ABCA1: variants seen among roughly 807,000 people sequenced by gnomAD.
ABCA1 encodes the protein ATP binding cassette subfamily A member 1, also known as phospholipid-transporting ATPase ABCA1.
A neutral mutation model predicts 262.5 loss-of-function variants in ABCA1; 133 were observed. That is an observed-to-expected ratio of 0.51 (90% CI 0.44 to 0.59). ABCA1 has a LOEUF of 0.59. Among genes scored for constraint, ABCA1 ranks in the 20% least tolerant of loss-of-function variants. ABCA1 has a pLI of 0.00. For synonymous variants in ABCA1, 1,022 were observed against 1,043.5 expected (o/e 0.98, Z 0.40); for missense variants, 2,452 against 2,777.5 (o/e 0.88, Z 2.63).
intron 5 of ABCA1, among the ~76,000 whole-genome samples, chr9:104,875,351 C>CAAA (rs749025515): frequency 4.7e-5 from 3 of 63,956 alleles, no homozygotes; most frequent in Non-Finnish European, 6.2e-5. Context: ...GACTCCATCT[C>CAAA]AAAAAAAAAA....
At chr9:104,902,694 T>C (rs1172478210) in intron 2 of ABCA1, among the ~76,000 whole-genome samples, 1 of 152,202 alleles carries the variant, frequency 6.6e-6, no homozygotes, top group East Asian at 1.9e-4. Context: ...TTTGACACTT[T>C]TGTTCTTTTA....
At chr9:104,884,234 C>T (rs758998912) in intron 4 of ABCA1, among the ~76,000 whole-genome samples, 193 bp downstream of exon 4, 18 of 152,180 alleles carry the variant, frequency 1.2e-4, no homozygotes, top group African/African-American at 3.9e-4. Context: ...GATAAATACT[C>T]GAGGTGATGG....
chr9:104,872,353 T>G (rs1837693928), intron 5 of ABCA1, among the ~76,000 whole-genome samples: 1 of 152,198 alleles, frequency 6.6e-6, no homozygotes, highest in South Asian at 2.1e-4. Flanking sequence ...TTAAAAATGC[T>G]TCATCGTGAT....
At position 104,855,238 on chromosome 9, in the gene ABCA1, G is replaced by A. The variant is rs144501024; in HGVS notation, c.720+3284C>T. 2.0e-3 allele frequency: 1,654 copies of A among 831,832 alleles called. 24 individuals are homozygous for A. In the African/African-American group the frequency reaches 0.027, roughly 14 times the overall value. 51.5% of individuals were successfully genotyped at this position (831,832 alleles called of 1,614,324 possible). A position where few individuals can be genotyped will look rare whatever the true frequency, so the allele number is the denominator to read the frequency against. ...CTGAGACAGAGTCTCACTCTGTCAC[G>A]CTGGCTGGAATGCAGTGGAGTGATC... On this transcript the variant is annotated intron_variant, in intron 7 of 49. Coordinates refer to ENST00000374736, the MANE Select transcript of ABCA1 (RefSeq NM_005502.4).
intron 40 of ABCA1, among the ~76,000 whole-genome samples, chr9:104,794,090 C>T (rs1198771422): frequency 1.3e-5 from 2 of 152,204 alleles, no homozygotes; most frequent in African/African-American, 4.8e-5. Flanking sequence ...TCCAGTGCTT[C>T]TAACCAACCC....
intron 37 of ABCA1, 31 bp downstream of exon 37, chr9:104,798,390 T>A (rs776268078): frequency 6.2e-7 from 1 of 1,612,470 alleles, no homozygotes; most frequent in Non-Finnish European, 8.5e-7. Context: ...CTGACAGACA[T>A]CAGAAAGATA....
intron 18 of ABCA1, among the ~76,000 whole-genome samples, chr9:104,824,141 C>A (rs542646383): frequency 8.5e-5 from 13 of 152,318 alleles, no homozygotes; most frequent in Non-Finnish European, 1.6e-4. Flanking sequence ...TCCACAATCA[C>A]GCTTGTCTTT....
In ABCA1 at chr9:104,818,710, G is replaced by C. The variant is rs747497359; in HGVS notation, c.3415C>G (p.Leu1139Val). ...CTACTACTGTTTCTGCAGGAACTGAGGGAGGATTCCACATCTTTCTTGACC... is the reference window on the plus strand; with the variant it reads ...CTACTACTGTTTCTGCAGGAACTGACGGAGGATTCCACATCTTTCTTGACC... ...TLVKKDVESS[L>V]SSCRNSSSTV... Residue 1139 changes from leucine (L) to valine (V), a missense_variant, in exon 23 of 50, where the codon CTC becomes GTC. Coordinates refer to ENST00000374736, the MANE Select transcript of ABCA1 (RefSeq NM_005502.4). 40 of 1,613,490 alleles carry C rather than the reference G, an allele frequency of 2.5e-5. No individual in the cohort carries two copies. The highest frequency in any genetic ancestry group is 3.2e-5 in the Non-Finnish European group (38 of 1,180,046).
Position 104,864,393 on chromosome 9 carries a change from G to A in ABCA1, c.422-2593C>T, listed in dbSNP as rs192233815. 2.0e-3 allele frequency among the ~76,000 whole-genome samples: 308 copies of A among 152,174 alleles called. No individual in the cohort carries two copies. In the Middle Eastern group the frequency reaches 0.034, roughly 17 times the overall value. On this transcript the variant is annotated intron_variant, in intron 5 of 49. Transcript: ENST00000374736. ...CATCCGGGGTCACTTTCTGTTCTTG[G>A]GAGAAACAGGAAGGAAGGTGTAAGC...
intron 48 of ABCA1, 87 bp downstream of exon 48, chr9:104,786,211 T>C (rs750851125): frequency 3.5e-6 from 4 of 1,147,626 alleles, no homozygotes; most frequent in Admixed American, 1.7e-5. Context: ...TTTCCCTTTA[T>C]GTTAGAGGCA....
chr9:104,876,097 T>C (rs1211890051), intron 5 of ABCA1, among the ~76,000 whole-genome samples: 1 of 152,216 alleles, frequency 6.6e-6, no homozygotes, highest in Non-Finnish European at 1.5e-5. Flanking sequence ...AGAGGCTACC[T>C]GGCTTCCAGC....
At chr9:104,798,194 T>C (rs1420409001) in intron 37 of ABCA1, among the ~76,000 whole-genome samples, 3 of 152,226 alleles carry the variant, frequency 2.0e-5, no homozygotes, top group Non-Finnish European at 4.4e-5. Context: ...GGTATTAATT[T>C]TCATCATTGT....
chr9:104,814,279 A>C (rs1831534624), intron 26 of ABCA1, 48 bp from the exon 27 acceptor site: 1 of 1,601,460 alleles, frequency 6.2e-7, no homozygotes, highest in Non-Finnish European at 8.6e-7. Context: ...TTTACAACAA[A>C]ACAAACCTTC....
intron 7 of ABCA1, among the ~76,000 whole-genome samples, chr9:104,846,828 G>A (rs548494568): frequency 5.9e-5 from 9 of 152,288 alleles, no homozygotes; most frequent in South Asian, 2.1e-4. Context: ...TCTGTGATAC[G>A]CAGAGGTGTT....
At position 104,812,593 on chromosome 9, in the gene ABCA1, C is replaced by T. The variant is rs1188153505; in HGVS notation, c.4031G>A (p.Arg1344Gln). ...TCTCACCTGAGCAAAAAATCCTTTC[C>T]GACTCCGTCTGGCAATTAGCAGTCT... is the stretch of plus-strand genomic sequence containing the variant. ...WKRLLIARRS[R>Q]KGFFAQIVLP... The change falls in exon 28 of 50, where the codon CGG becomes CAG. Residue 1344 changes from arginine (R) to glutamine (Q), a missense_variant. This residue lies in a region of ABCA1 where 665 missense variants were observed against 727.3 expected (regional missense o/e 0.91). Coordinates refer to ENST00000374736, the MANE Select transcript of ABCA1 (RefSeq NM_005502.4). The T allele has an allele frequency of 5.6e-6, 9 of 1,614,050 alleles. No homozygotes were observed. Among genetic ancestry groups the T allele is most frequent in the South Asian group, 2.2e-5 (2 of 91,088 alleles).
intron 1 of ABCA1, among the ~76,000 whole-genome samples, chr9:104,914,359 T>A (rs1359907883): frequency 6.6e-6 from 1 of 151,674 alleles, no homozygotes; most frequent in Non-Finnish European, 1.5e-5. Flanking sequence ...GTGCCTGTAA[T>A]CTCAGCTACT....
At chr9:104,831,952 T>C in intron 12 of ABCA1, 125 bp from the exon 13 acceptor site, 1 of 938,792 alleles carries the variant, frequency 1.1e-6, no homozygotes, top group East Asian at 2.4e-5. Context: ...TCTAATCCTC[T>C]CTAACGTAGT....
At chr9:104,908,213 C>A (rs1256741358) in intron 1 of ABCA1, among the ~76,000 whole-genome samples, 3 of 152,152 alleles carry the variant, frequency 2.0e-5, no homozygotes, top group East Asian at 3.8e-4. Context: ...GGAAGAGCCA[C>A]TTTGGAAAAT....
At chr9:104,798,704 A>G (rs1190093922) in intron 36 of ABCA1, 106 bp from the exon 37 acceptor site, 19 of 954,976 alleles carry the variant, frequency 2.0e-5, no homozygotes, top group Non-Finnish European at 3.1e-5. Flanking sequence ...ACACACACAG[A>G]GATATCTGAG....
Sources: allele counts gnomAD v4.1 joint callset (sites outside exome capture counted in the v4.1 genomes callset), GRCh38; gene constraint gnomAD v4.1.1; regional missense constraint gnomAD v4.1.1; transcripts MANE v1.5; gene names NCBI Gene and HGNC (gene_info 2026-07-23, HGNC 2026-07-21).